The following ERC1 variants were observed in gnomAD, a reference collection of about 807,000 sequenced individuals.
ERC1 encodes the protein ELKS/RAB6-interacting/CAST family member 1.
A neutral mutation model predicts 132.0 loss-of-function variants in ERC1; 56 were observed. The observed-to-expected ratio is 0.42, with a 90% CI of 0.34 to 0.53. The LOEUF (loss-of-function observed/expected upper bound fraction) is 0.53, where lower values mean the gene tolerates loss of function less well. Among genes scored for constraint, ERC1 ranks in the 20% least tolerant of loss-of-function variants. The probability of loss-of-function intolerance (pLI) is 0.03; values close to 1 mark genes in which losing one functional copy is unlikely to be tolerated. For synonymous variants in ERC1, 478 were observed against 476.1 expected, an observed-to-expected ratio of 1.00 and a Z score of -0.05; for missense variants, 1,202 against 1,349.9, an observed-to-expected ratio of 0.89 and a Z score of 1.72.
At chr12:1,138,157 TA>T (rs1420484729) in intron 7 of ERC1, among the ~76,000 whole-genome samples, 1 of 80,250 alleles carries the variant, frequency 1.2e-5, no homozygotes, top group Admixed American at 1.3e-4. Flanking sequence ...TTTATTTACA[TA>T]ATATATATAA....
intron 18 of ERC1, among the ~76,000 whole-genome samples, chr12:1,482,992 G>C (rs1360700842): frequency 6.6e-6 from 1 of 151,748 alleles, no homozygotes; most frequent in Non-Finnish European, 1.5e-5. Context: ...GGCTACTCTG[G>C]AATTTCATCA....
At chr12:1,378,827 C>CA (rs1220241143) in intron 16 of ERC1, among the ~76,000 whole-genome samples, 1 of 152,182 alleles carries the variant, frequency 6.6e-6, no homozygotes, top group Non-Finnish European at 1.5e-5. Flanking sequence ...ACCTTGTTGA[C>CA]TTACATTATT....
intron 18 of ERC1, among the ~76,000 whole-genome samples, chr12:1,449,228 G>A (rs1426369106): frequency 2.0e-5 from 3 of 152,074 alleles, no homozygotes; most frequent in Non-Finnish European, 2.9e-5. Context: ...GACTTGCCTC[G>A]CCTTATATGA....
chr12:1,061,368 C>T lies in ERC1; in HGVS notation c.670-21796C>T, dbSNP rs144308482. On this transcript the variant is annotated intron_variant, in intron 2 of 18. Transcript: ENST00000360905. ...TCCCAGCACACTGGTAGGCTGAGTC[C>T]GCAGATCACTTGAGCCCAGGAGTTC... 5.9e-5 allele frequency among the ~76,000 whole-genome samples: 9 copies of T among 151,518 alleles called. No individual in the cohort carries two copies. The East Asian group carries it at 7.8e-4, about 13-fold the overall frequency.
intron 2 of ERC1, among the ~76,000 whole-genome samples, chr12:1,059,864 C>G (rs1042423761): frequency 1.3e-5 from 2 of 152,178 alleles, no homozygotes; most frequent in Non-Finnish European, 2.9e-5. Flanking sequence ...GAGTAAGTTA[C>G]AAAGAATTAC....
At chr12:1,447,184 A>G (rs2093324539) in intron 18 of ERC1, among the ~76,000 whole-genome samples, 1 of 152,136 alleles carries the variant, frequency 6.6e-6, no homozygotes, top group African/African-American at 2.4e-5. Flanking sequence ...TTCATTTTAG[A>G]GACTTTTGCT....
intron 15 of ERC1, among the ~76,000 whole-genome samples, chr12:1,342,849 A>G (rs924212452): frequency 5.3e-5 from 8 of 152,182 alleles, no homozygotes; most frequent in African/African-American, 1.2e-4. Context: ...TTAAATTGCT[A>G]TTCTATAGCA....
chr12:1,201,375 T>C (rs531862531), intron 12 of ERC1, among the ~76,000 whole-genome samples: 1 of 152,338 alleles, frequency 6.6e-6, no homozygotes, highest in Non-Finnish European at 1.5e-5. Context: ...TAAAATTGTT[T>C]TGTTGAATGT....
chr12:1,358,417 T>G (rs1180153593), intron 15 of ERC1, among the ~76,000 whole-genome samples: 1 of 152,114 alleles, frequency 6.6e-6, no homozygotes, highest in Non-Finnish European at 1.5e-5. Flanking sequence ...TTTTATATAC[T>G]TATTGGATTA....
chr12:1,354,487 C>T (rs1347839905), intron 15 of ERC1, among the ~76,000 whole-genome samples: 1 of 151,540 alleles, frequency 6.6e-6, no homozygotes, highest in African/African-American at 2.4e-5. Flanking sequence ...TGCCCCGTTG[C>T]ATTCCAGCCT....
At chr12:1,162,939 T>C (rs916546413) in intron 8 of ERC1, among the ~76,000 whole-genome samples, 1 of 152,198 alleles carries the variant, frequency 6.6e-6, no homozygotes, top group Non-Finnish European at 1.5e-5. Flanking sequence ...CACTTTGCAG[T>C]TCTTTGTTGA....
chr12:1,185,984 T>C (rs1955051626), intron 11 of ERC1, among the ~76,000 whole-genome samples: 1 of 152,206 alleles, frequency 6.6e-6, no homozygotes, highest in South Asian at 2.1e-4. Context: ...ATAGAGTCTT[T>C]TGTAAAGGCC....
chr12:1,253,062 C>T (rs560770140), intron 13 of ERC1, among the ~76,000 whole-genome samples: 1 of 152,264 alleles, frequency 6.6e-6, no homozygotes, highest in Non-Finnish European at 1.5e-5. Flanking sequence ...GTGTTTACTT[C>T]CAAGGAAGCA....
chr12:1,257,725 T>TA, intron 13 of ERC1, among the ~76,000 whole-genome samples: 1 of 152,186 alleles, frequency 6.6e-6, no homozygotes. Flanking sequence ...ATTTCCTATG[T>TA]AAAAAACTGC....
At chr12:1,334,923 T>A (rs1267718407) in intron 15 of ERC1, among the ~76,000 whole-genome samples, 3 of 152,240 alleles carry the variant, frequency 2.0e-5, no homozygotes, top group Non-Finnish European at 4.4e-5. Context: ...GTTTTGTAGT[T>A]CTTCTTGTAG....
intron 8 of ERC1, among the ~76,000 whole-genome samples, chr12:1,180,319 A>G (rs1364674314): frequency 6.7e-6 from 1 of 150,186 alleles, no homozygotes. Context: ...ACACATGTGT[A>G]CTTTTTTTTG....
intron 8 of ERC1, among the ~76,000 whole-genome samples, chr12:1,172,069 C>T (rs758581687): frequency 6.6e-6 from 1 of 152,038 alleles, no homozygotes; most frequent in Non-Finnish European, 1.5e-5. Context: ...ATAAAATAAC[C>T]ATTTTATTTC....
At chr12:1,266,364 T>A (rs1282888241) in intron 14 of ERC1, among the ~76,000 whole-genome samples, 2 of 150,454 alleles carry the variant, frequency 1.3e-5, no homozygotes, top group African/African-American at 2.4e-5. Context: ...TCTCCCATTT[T>A]TTATTATTAT....
intron 2 of ERC1, among the ~76,000 whole-genome samples, chr12:1,035,584 A>T (rs549900056): frequency 6.6e-6 from 1 of 152,200 alleles, no homozygotes; most frequent in East Asian, 1.9e-4. Context: ...TTTGACAAAG[A>T]ATGAAAATCT....
Sources: allele counts gnomAD v4.1 joint callset (sites outside exome capture counted in the v4.1 genomes callset), GRCh38; gene constraint gnomAD v4.1.1; transcripts MANE v1.5; gene names NCBI Gene and HGNC (gene_info 2026-07-23, HGNC 2026-07-21).